Variants in SEPTIN10 observed in about 807,000 individuals in gnomAD.
SEPTIN10 encodes septin 10, also known as septin-10.
In SEPTIN10, 66 loss-of-function variants were observed where a neutral mutation model predicts 54.8. The ratio of observed to expected loss-of-function variants is 1.21; its 90% CI spans 0.99 to 1.48. SEPTIN10 has a LOEUF of 1.48. Ranked by LOEUF, SEPTIN10 falls within the 40% of genes most tolerant of loss-of-function variation. The probability of loss-of-function intolerance (pLI) is 0.00; values close to 1 mark genes in which losing one functional copy is unlikely to be tolerated. For synonymous variants in SEPTIN10, 161 were observed against 181.0 expected (o/e 0.89, Z 0.89); for missense variants, 620 against 545.6 (o/e 1.14, Z -1.36).
At chr2:109,601,568 C>G (rs1308207572) in intron 1 of SEPTIN10, among the ~76,000 whole-genome samples, 1 of 152,190 alleles carries the variant, frequency 6.6e-6, no homozygotes, top group Non-Finnish European at 1.5e-5. Flanking sequence ...ACTTGCCTAT[C>G]AGGGTACTCC....
Position 109,567,810 on chromosome 2 carries a change from C to A in SEPTIN10, c.762+5G>T. ...AACAGAATTAACATTCAATCAGGAGCTCACATTCATTGCAGCGTTGACCTT... is the reference window on the plus strand; with the variant it reads ...AACAGAATTAACATTCAATCAGGAGATCACATTCATTGCAGCGTTGACCTT... On this transcript the variant is annotated splice_donor_5th_base_variant and intron_variant, in intron 6 of 10. Transcript: ENST00000397712. 1 of 1,574,914 alleles carries A rather than the reference C, an allele frequency of 6.3e-7. No homozygotes were observed. Among genetic ancestry groups the A allele is most frequent in the Non-Finnish European group, 8.6e-7 (1 of 1,161,624 alleles).
In SEPTIN10 at chr2:109,601,859, C is replaced by T. The variant is rs146065365; in HGVS notation, c.31-8740G>A. 1.5e-3 allele frequency among the ~76,000 whole-genome samples: 228 copies of T among 151,916 alleles called. 1 individual carries two copies. The highest frequency in any genetic ancestry group is 6.1e-3 in the South Asian group (29 of 4,790). On this transcript the variant is annotated intron_variant, in intron 1 of 10. Transcript: ENST00000397712. ...AGTTACTTTCTAGCACTGTATGAGT[C>T]AAGGAAATATGACTTTTTCCCAATG...
Position 109,593,409 on chromosome 2 carries a change from C to CTTT in SEPTIN10, c.31-293_31-291dup, listed in dbSNP as rs766138431. ...CATTTACAAGTAGAGAGAGAAAGAA[C>CTTT]TTTTTTTTTTTTTTGAGACGGCATC... On this transcript the variant is annotated intron_variant, in intron 1 of 10. Transcript: ENST00000397712. Among the ~76,000 whole-genome samples, 5 of 133,804 alleles carry CTTT rather than the reference C, an allele frequency of 3.7e-5. 1 individual carries two copies. The highest frequency in any genetic ancestry group is 8.0e-5 in the Admixed American group (1 of 12,466). The allele number at this position is 133,804 out of a possible 152,430, so 87.8% of individuals were successfully genotyped here.
intron 9 of SEPTIN10, among the ~76,000 whole-genome samples, chr2:109,551,069 T>C (rs1032842561): frequency 2.0e-5 from 3 of 152,220 alleles, no homozygotes; most frequent in East Asian, 3.8e-4. Context: ...ATATGCAACA[T>C]GCCTCATGAG....
rs772237958 is a variant in SEPTIN10 at position 109,593,067 on chromosome 2, G to C, written c.83C>G (p.Ser28Ter). The change falls in exon 2 of 11, where the codon TCA becomes TGA. Residue 28 changes from serine (S) to a stop codon, truncating the protein, a stop_gained. Transcript: ENST00000397712. LOFTEE classifies it high-confidence loss of function. ...TKTTCMSSQGSDDEQIKRENI... is the reference protein window; with the variant it reads ...TKTTCMSSQG ...CATACTCACTATCTGTTCATCATCT[G>C]ATCCTTGTGAAGACATACAAGTTGT... The C allele has an allele frequency of 1.3e-6, 2 of 1,598,754 alleles. No individual in the cohort carries two copies. Among genetic ancestry groups the C allele is most frequent in the Non-Finnish European group, 1.7e-6 (2 of 1,173,246 alleles).
chr2:109,586,735 AAGAGTCTCCT>A (rs1464289076), intron 2 of SEPTIN10, among the ~76,000 whole-genome samples: 1 of 152,166 alleles, frequency 6.6e-6, no homozygotes, highest in Non-Finnish European at 1.5e-5. Flanking sequence ...CTGTAAGTTA[AAGAGTCTCCT>A]GTAAACACCC....
chr2:109,608,989 C>T (rs1252776210), intron 1 of SEPTIN10, among the ~76,000 whole-genome samples: 2 of 152,150 alleles, frequency 1.3e-5, no homozygotes, highest in Non-Finnish European at 2.9e-5. Flanking sequence ...CTCTATCCTG[C>T]AGTAGATTAT....
intron 2 of SEPTIN10, among the ~76,000 whole-genome samples, chr2:109,588,721 C>A (rs978257272): frequency 1.3e-5 from 2 of 151,436 alleles, no homozygotes; most frequent in Non-Finnish European, 2.9e-5. Context: ...AAACTCCTGA[C>A]CTCAGGTGAT....
rs750089002 is a variant in SEPTIN10, at chr2:109,553,095, C to A, written c.1153G>T (p.Glu385Ter). ...KEKEAILKEA[E>*]RELQAKFEHL... ...CAAACCAGCATACTTGCCTCTCTCT[C>A]AGCTTCTTTCAATATGGCTTCTTTC... Residue 385 changes from glutamate (E) to a stop codon, truncating the protein, a stop_gained, in exon 9 of 11, where the codon GAG (glutamate) becomes TAG (stop). Coordinates refer to ENST00000397712, the MANE Select transcript of SEPTIN10 (RefSeq NM_144710.5). LOFTEE classifies it high-confidence loss of function. The A allele has an allele frequency of 3.7e-6, 6 of 1,612,374 alleles. No homozygotes were observed. The highest frequency in any genetic ancestry group is 5.1e-6 in the Non-Finnish European group (6 of 1,179,926).
chr2:109,550,594 G>A (rs1343006040), intron 9 of SEPTIN10, among the ~76,000 whole-genome samples: 1 of 152,086 alleles, frequency 6.6e-6, no homozygotes, highest in Non-Finnish European at 1.5e-5. Context: ...GATTGCAGGC[G>A]TGAGCCACCA....
At chr2:109,587,139 G>T (rs887659472) in intron 2 of SEPTIN10, among the ~76,000 whole-genome samples, 4 of 152,112 alleles carry the variant, frequency 2.6e-5, no homozygotes, top group African/African-American at 9.7e-5. Context: ...GAAAAAGATG[G>T]ATATAATGGG....
chr2:109,604,379 A>ATGGAAG, intron 1 of SEPTIN10, among the ~76,000 whole-genome samples: 1 of 25,894 alleles, frequency 3.9e-5, no homozygotes, highest in East Asian at 8.8e-4. Flanking sequence ...AAAGAAGGGA[A>ATGGAAG]GGGAAGGGGA....
intron 5 of SEPTIN10, among the ~76,000 whole-genome samples, chr2:109,572,576 G>A (rs999482432): frequency 6.6e-6 from 1 of 150,926 alleles, no homozygotes; most frequent in African/African-American, 2.4e-5. Context: ...TTTTATACCC[G>A]GACAGGTAGA....
chr2:109,583,331 C>A (rs543294118), intron 4 of SEPTIN10, among the ~76,000 whole-genome samples: 1 of 151,990 alleles, frequency 6.6e-6, no homozygotes, highest in African/African-American at 2.4e-5. Context: ...AAAAACAACC[C>A]CATTAAAAAG....
intron 5 of SEPTIN10, among the ~76,000 whole-genome samples, chr2:109,569,114 T>G (rs1198821738): frequency 6.6e-6 from 1 of 152,076 alleles, no homozygotes; most frequent in East Asian, 1.9e-4. Flanking sequence ...CAGTAAAACC[T>G]CAATGTAATT....
intron 6 of SEPTIN10, 23 bp from the exon 7 acceptor site, chr2:109,565,882 T>A (rs1277328183): frequency 1.9e-6 from 3 of 1,573,434 alleles, no homozygotes; most frequent in African/African-American, 2.7e-5. Flanking sequence ...ATCGAGCACA[T>A]CTTCTCATAC....
At chr2:109,594,590 C>G (rs1694872591) in intron 1 of SEPTIN10, 1 of 152,214 alleles carries the variant, frequency 6.6e-6, no homozygotes, top group South Asian at 2.1e-4. Context: ...TATCGACGCT[C>G]TTCATTGAGA....
At chr2:109,598,857 G>C (rs1462099457) in intron 1 of SEPTIN10, among the ~76,000 whole-genome samples, 1 of 151,714 alleles carries the variant, frequency 6.6e-6, no homozygotes, top group Non-Finnish European at 1.5e-5. Flanking sequence ...TCCAGCCTGG[G>C]TGACAGAGTG....
Position 109,564,496 on chromosome 2 carries a change from C to A in SEPTIN10, c.898G>T (p.Glu300Ter). Residue 300 changes from glutamate to a stop codon, truncating the protein, a stop_gained, in exon 8 of 11, where the codon GAA becomes TAA. Transcript: ENST00000397712. LOFTEE classifies it high-confidence loss of function. The part of the protein sequence containing the change: ...ENHCDFVKLR[E>*]MLICTNMEDL... ...TCCATATTTGTACAAATGAGCATTTCCCGCAGCTTTACAAAGTCACAGTGG... is the reference window on the plus strand; with the variant it reads ...TCCATATTTGTACAAATGAGCATTTACCGCAGCTTTACAAAGTCACAGTGG... 2 of 1,561,806 alleles carry A rather than the reference C, an allele frequency of 1.3e-6. No individual in the cohort carries two copies. The highest frequency in any genetic ancestry group is 8.7e-7 in the Non-Finnish European group (1 of 1,146,352).
Sources: gnomAD v4.1 joint callset for allele counts (sites outside exome capture counted in the v4.1 genomes callset) on GRCh38, gnomAD v4.1.1 for gene constraint, MANE v1.5 for transcripts, NCBI Gene and HGNC (gene_info 2026-07-23, HGNC 2026-07-21) for gene names.